The following ATP8B4 variants were observed in gnomAD, a reference collection of about 807,000 sequenced individuals.
ATP8B4 encodes the protein ATPase phospholipid transporting 8B4 (putative).
ATP8B4 carries 133 observed loss-of-function variants against 145.6 expected under a neutral mutation model. The ratio of observed to expected loss-of-function variants is 0.91; its 90% CI spans 0.79 to 1.05. ATP8B4 has a LOEUF of 1.05. Ranked by LOEUF, ATP8B4 falls within the 50% of genes least tolerant of loss-of-function variation. The pLI is 0.00. For missense variants in ATP8B4, 1,458 were observed against 1,425.2 expected (o/e 1.02, Z -0.37); for synonymous variants, 507 against 492.9 (o/e 1.03, Z -0.38).
rs959890334 is a variant in ATP8B4 at position 49,861,422 on chromosome 15, G to GTGTC, written c.3297+819_3297+822dup. Among the ~76,000 whole-genome samples, 759 of 148,284 alleles carry GTGTC rather than the reference G, an allele frequency of 5.1e-3. 1 individual carries two copies. Among genetic ancestry groups the GTGTC allele is most frequent in the African/African-American group, 9.5e-3 (377 of 39,744 alleles). ...AAAAAATGTGTGTGTGTGTGTGTGT[G>GTGTC]TGTCTGTCTGTCTGTCTGTCTGTCT... On this transcript the variant is annotated intron_variant, in intron 27 of 27. Coordinates refer to ENST00000284509, the MANE Select transcript of ATP8B4 (RefSeq NM_024837.4).
chr15:50,031,449 T>C (rs1042000778), intron 6 of ATP8B4, among the ~76,000 whole-genome samples: 3 of 152,144 alleles, frequency 2.0e-5, no homozygotes, highest in African/African-American at 7.2e-5. Context: ...AATAACTCAA[T>C]GGAGGGTACA....
chr15:49,897,980 A>T, intron 22 of ATP8B4, 88 bp downstream of exon 22: 2 of 1,398,696 alleles, frequency 1.4e-6, no homozygotes, highest in Non-Finnish European at 2.0e-6. Flanking sequence ...ATTAAATTTT[A>T]ATGCAATCTA....
intron 12 of ATP8B4, among the ~76,000 whole-genome samples, chr15:49,974,080 T>TC (rs2045439013): frequency 7.5e-6 from 1 of 133,556 alleles, no homozygotes; most frequent in South Asian, 2.3e-4. Flanking sequence ...TTATCATTTG[T>TC]CTTTTTTTTT....
chr15:49,925,001 T>G (rs2040589097), intron 16 of ATP8B4, among the ~76,000 whole-genome samples: 1 of 152,204 alleles, frequency 6.6e-6, no homozygotes, highest in Non-Finnish European at 1.5e-5. Flanking sequence ...TACATTTGCC[T>G]GTATTTTGTA....
intron 6 of ATP8B4, among the ~76,000 whole-genome samples, chr15:50,024,823 TC>T (rs2049882172): frequency 6.6e-6 from 1 of 152,180 alleles, no homozygotes; most frequent in African/African-American, 2.4e-5. Context: ...TCCTTAAGTG[TC>T]AGACACTGTC....
intron 16 of ATP8B4, among the ~76,000 whole-genome samples, chr15:49,929,565 G>A (rs905278262): frequency 6.6e-6 from 1 of 152,042 alleles, no homozygotes; most frequent in Non-Finnish European, 1.5e-5. Context: ...GTATAAGAAG[G>A]TCACAGAATA....
At chr15:50,118,531 G>A (rs1029370465) in intron 1 of ATP8B4, among the ~76,000 whole-genome samples, 1 of 152,080 alleles carries the variant, frequency 6.6e-6, no homozygotes. Context: ...TCCAATTAAT[G>A]TTTTTCACCA....
intron 1 of ATP8B4, among the ~76,000 whole-genome samples, chr15:50,124,623 T>C (rs764523780): frequency 2.1e-4 from 32 of 151,940 alleles, no homozygotes; most frequent in African/African-American, 5.1e-4. Flanking sequence ...AAAAAAAAGA[T>C]ACCTAAATTT....
intron 14 of ATP8B4, among the ~76,000 whole-genome samples, chr15:49,940,973 G>A (rs1235200340): frequency 2.6e-5 from 4 of 152,110 alleles, no homozygotes; most frequent in African/African-American, 9.7e-5. Context: ...CAGAGAATGA[G>A]AAAGAGAAAG....
intron 1 of ATP8B4, among the ~76,000 whole-genome samples, chr15:50,138,949 G>T (rs1361844564): frequency 1.3e-5 from 2 of 152,154 alleles, no homozygotes; most frequent in Admixed American, 6.5e-5. Flanking sequence ...TCTCATGCTG[G>T]CAAGGCTGTG....
intron 2 of ATP8B4, among the ~76,000 whole-genome samples, chr15:50,089,010 A>T (rs573278971): frequency 1.5e-4 from 23 of 152,300 alleles, no homozygotes; most frequent in African/African-American, 5.5e-4. Flanking sequence ...GTTACCTGAC[A>T]AAAACAAGCA....
At chr15:50,134,645 T>C (rs1449093166) in intron 1 of ATP8B4, among the ~76,000 whole-genome samples, 1 of 152,182 alleles carries the variant, frequency 6.6e-6, no homozygotes, top group Non-Finnish European at 1.5e-5. Context: ...ATTATCCTAG[T>C]ACATGACAAT....
In ATP8B4 at chr15:49,916,961, T is replaced by G; in HGVS notation, c.2114A>C (p.Asn705Thr). 1 of 1,613,972 alleles carries G rather than the reference T, an allele frequency of 6.2e-7. No individual in the cohort carries two copies. Among genetic ancestry groups the G allele is most frequent in the Non-Finnish European group, 8.5e-7 (1 of 1,179,896 alleles). Residue 705 changes from asparagine to threonine, a missense_variant, in exon 20 of 28, where the codon AAT becomes ACT. Asn to Thr is a moderately conservative substitution (Grantham distance 65). Coordinates refer to ENST00000284509, the MANE Select transcript of ATP8B4 (RefSeq NM_024837.4). Reference protein sequence around the residue: ...MNDVFVIAGNNAVEVREELRK... With the variant: ...MNDVFVIAGNTAVEVREELRK... ...GAGTTCTTCTCTCACTTCCACAGCA[T>G]TATTCCCTGCTATCACAAACACATC...
At chr15:49,998,959 G>A (rs28833309) in intron 8 of ATP8B4, among the ~76,000 whole-genome samples, 2,929 of 152,106 alleles carry the variant, frequency 0.019, 88 homozygotes, top group African/African-American at 0.068. Flanking sequence ...TCTACATATG[G>A]CTAGCCAGTT....
intron 23 of ATP8B4, among the ~76,000 whole-genome samples, chr15:49,888,637 T>A (rs926958739): frequency 1.3e-5 from 2 of 152,162 alleles, no homozygotes; most frequent in African/African-American, 4.8e-5. Flanking sequence ...AGGGTGCTTT[T>A]AAAATAAGTT....
intron 20 of ATP8B4, chr15:49,901,702 T>C (rs763389453): frequency 4.2e-4 from 151 of 356,208 alleles, no homozygotes; most frequent in Non-Finnish European, 6.5e-4. Flanking sequence ...TGAGGTACAA[T>C]GTAATACGAT....
At chr15:49,978,907 C>T (rs1049675492) in intron 12 of ATP8B4, among the ~76,000 whole-genome samples, 4 of 151,646 alleles carry the variant, frequency 2.6e-5, no homozygotes, top group African/African-American at 7.3e-5. Flanking sequence ...TTTATGGGAC[C>T]GAATCTAATC....
At chr15:50,046,349 C>A (rs1274124582) in intron 4 of ATP8B4, among the ~76,000 whole-genome samples, 2 of 152,104 alleles carry the variant, frequency 1.3e-5, no homozygotes, top group Non-Finnish European at 2.9e-5. Context: ...AGGAAGCTGT[C>A]AGGGCCACCA....
In ATP8B4 at chr15:49,859,460, G is replaced by A. The variant is rs1229269401; in HGVS notation, c.*734C>T. The stretch of plus-strand genomic sequence containing the variant: ...TTGAAAAGTATTTAGAATACTTAGT[G>A]GCGAGCCTCTCTCACATTTCATAAG... On this transcript the variant is annotated 3_prime_UTR_variant, in exon 28 of 28. Coordinates refer to ENST00000284509, the MANE Select transcript of ATP8B4 (RefSeq NM_024837.4). 6.6e-6 allele frequency: 1 copy of A among 152,190 alleles called. No homozygotes were observed. The highest frequency in any genetic ancestry group is 2.4e-5 in the African/African-American group (1 of 41,458). 9.4% of individuals were successfully genotyped at this position (152,190 alleles called of 1,614,324 possible). A position where few individuals can be genotyped will look rare whatever the true frequency, so the allele number is the denominator to read the frequency against.
Sources: allele counts gnomAD v4.1 joint callset (sites outside exome capture counted in the v4.1 genomes callset), GRCh38; gene constraint gnomAD v4.1.1; transcripts MANE v1.5; gene names NCBI Gene and HGNC (gene_info 2026-07-23, HGNC 2026-07-21).